Variants in SPAST observed in about 807,000 individuals in gnomAD.
The protein encoded by SPAST is spastic paraplegia 4 (autosomal dominant; spastin).
In SPAST, 30 loss-of-function variants were observed where a neutral mutation model predicts 76.6. That is an observed-to-expected ratio of 0.39 (90% CI 0.29 to 0.53). The LOEUF (loss-of-function observed/expected upper bound fraction) is 0.53, where lower values mean the gene tolerates loss of function less well. Among genes scored for constraint, SPAST ranks in the 20% least tolerant of loss-of-function variants. The probability of loss-of-function intolerance (pLI) is 0.68; values close to 1 mark genes in which losing one functional copy is unlikely to be tolerated. For missense variants in SPAST, 717 were observed against 770.5 expected, an observed-to-expected ratio of 0.93 and a Z score of 0.82; for synonymous variants, 305 against 281.0, an observed-to-expected ratio of 1.09 and a Z score of -0.86.
At chr2:32,104,550 T>C (rs564104556) in intron 4 of SPAST, among the ~76,000 whole-genome samples, 43 of 152,220 alleles carry the variant, frequency 2.8e-4, no homozygotes, top group Non-Finnish European at 4.8e-4. Flanking sequence ...CTAGCCTCGA[T>C]GGTCTTTACA....
intron 5 of SPAST, among the ~76,000 whole-genome samples, chr2:32,115,450 A>G (rs1678792112): frequency 1.3e-5 from 2 of 152,170 alleles, no homozygotes; most frequent in African/African-American, 4.8e-5. Context: ...GATTCTAACA[A>G]GGGTTAAAAT....
intron 2 of SPAST, 123 bp downstream of exon 2, chr2:32,087,701 T>C: frequency 2.6e-6 from 1 of 384,850 alleles, no homozygotes; most frequent in Non-Finnish European, 4.3e-6. Context: ...TTTCTTTTTT[T>C]TTTTTTTTTT....
At chr2:32,153,881 A>G (rs1469020530) in intron 16 of SPAST, among the ~76,000 whole-genome samples, 1 of 152,092 alleles carries the variant, frequency 6.6e-6, no homozygotes, top group Non-Finnish European at 1.5e-5. Flanking sequence ...GTTCAGGACC[A>G]ACCTGGCCAT....
chr2:32,128,572 T>G, intron 9 of SPAST, 93 bp downstream of exon 9: 1 of 844,146 alleles, frequency 1.2e-6, no homozygotes, highest in East Asian at 2.6e-5. Context: ...TGAAAATATT[T>G]TTCTAGGAGC....
chr2:32,110,593 G>T (rs568789837), intron 4 of SPAST, among the ~76,000 whole-genome samples: 10 of 125,358 alleles, frequency 8.0e-5, no homozygotes, highest in African/African-American at 2.7e-4. Context: ...TGTATATATC[G>T]TATATACACT....
intron 1 of SPAST, among the ~76,000 whole-genome samples, chr2:32,084,254 G>T (rs1441511663): frequency 6.6e-6 from 1 of 150,534 alleles, no homozygotes; most frequent in African/African-American, 2.4e-5. Flanking sequence ...TCTGCTTCCT[G>T]GGTTCACGCC....
intron 3 of SPAST, among the ~76,000 whole-genome samples, chr2:32,091,854 A>G (rs771406182): frequency 7.9e-5 from 12 of 151,682 alleles, no homozygotes; most frequent in Admixed American, 2.6e-4. Flanking sequence ...AATAAAATAA[A>G]TAGATAAATA....
rs374114049 is a variant in SPAST, at chr2:32,106,239, G to A, written c.682+7348G>A. Among the ~76,000 whole-genome samples the A allele has an allele frequency of 2.0e-4, 31 of 152,302 alleles. No homozygotes were observed. In the East Asian group the frequency reaches 3.1e-3, roughly 15 times the overall value. On this transcript the variant is annotated intron_variant, in intron 4 of 16. Transcript: ENST00000315285. ...CTGTGCTAGCAGTGAGCGAGGTTCCGTTGGCATGGGACCCTCTGAGCCAGG... is the reference window on the plus strand; with the variant it reads ...CTGTGCTAGCAGTGAGCGAGGTTCCATTGGCATGGGACCCTCTGAGCCAGG...
intron 15 of SPAST, among the ~76,000 whole-genome samples, chr2:32,146,063 T>A (rs1679875845): frequency 6.6e-6 from 1 of 152,224 alleles, no homozygotes; most frequent in African/African-American, 2.4e-5. Context: ...ACTGCTACTT[T>A]GCAAAATAAA....
At chr2:32,142,498 T>G (rs1679752240) in intron 13 of SPAST, among the ~76,000 whole-genome samples, 1 of 152,168 alleles carries the variant, frequency 6.6e-6, no homozygotes, top group African/African-American at 2.4e-5. Context: ...CACTGCAACC[T>G]TCACCTCCTG....
chr2:32,137,225 C>A, intron 12 of SPAST, 37 bp downstream of exon 12: 1 of 1,401,846 alleles, frequency 7.1e-7, no homozygotes, highest in Non-Finnish European at 1.0e-6. Flanking sequence ...GCATTTATTA[C>A]AGACAATATT....
chr2:32,143,185 T>C, intron 13 of SPAST, 151 bp from the exon 14 acceptor site: 3 of 551,488 alleles, frequency 5.4e-6, no homozygotes, highest in Non-Finnish European at 1.0e-5. Flanking sequence ...GGAGGATTGC[T>C]TGAACCCAGG....
intron 1 of SPAST, among the ~76,000 whole-genome samples, chr2:32,078,921 G>A (rs943716430): frequency 6.6e-6 from 1 of 151,970 alleles, no homozygotes; most frequent in African/African-American, 2.4e-5. Context: ...GTAAGAACAT[G>A]GCTTATTGCA....
chr2:32,071,986 C>T (rs1175513373), intron 1 of SPAST, among the ~76,000 whole-genome samples: 2 of 152,148 alleles, frequency 1.3e-5, no homozygotes, highest in African/African-American at 2.4e-5. Flanking sequence ...TTTGCAGGGC[C>T]ATTTCAGAAT....
chr2:32,090,386 C>A (rs760420730), intron 3 of SPAST, among the ~76,000 whole-genome samples: 19 of 152,220 alleles, frequency 1.2e-4, no homozygotes, highest in African/African-American at 2.6e-4. Flanking sequence ...CCCCCAACTT[C>A]TTATTATTTT....
intron 16 of SPAST, among the ~76,000 whole-genome samples, chr2:32,153,511 T>A (rs1458859848): frequency 6.6e-6 from 1 of 151,758 alleles, no homozygotes; most frequent in East Asian, 2.0e-4. Context: ...AGACGGGGTT[T>A]CACCATGTTG....
intron 1 of SPAST, among the ~76,000 whole-genome samples, chr2:32,069,066 A>T (rs931480366): frequency 1.3e-5 from 2 of 152,008 alleles, no homozygotes; most frequent in African/African-American, 2.4e-5. Flanking sequence ...TACAAAAATT[A>T]GCTGGGCATA....
chr2:32,130,858 A>C (rs1679349226), intron 9 of SPAST, among the ~76,000 whole-genome samples: 1 of 152,214 alleles, frequency 6.6e-6, no homozygotes, highest in Non-Finnish European at 1.5e-5. Flanking sequence ...TGATTTTATC[A>C]GTACACCAAG....
intron 4 of SPAST, among the ~76,000 whole-genome samples, chr2:32,110,443 C>G (rs1046935012): frequency 2.1e-5 from 3 of 142,886 alleles, no homozygotes; most frequent in East Asian, 2.0e-4. Flanking sequence ...TTATATATAC[C>G]TATAGTTATT....
Sources: allele counts gnomAD v4.1 joint callset (sites outside exome capture counted in the v4.1 genomes callset), GRCh38; gene constraint gnomAD v4.1.1; transcripts MANE v1.5; gene names NCBI Gene and HGNC (gene_info 2026-07-23, HGNC 2026-07-21).